CASQ1: variants seen among roughly 807,000 people sequenced by gnomAD.
CASQ1 encodes the protein calsequestrin 1.
A neutral mutation model predicts 49.5 loss-of-function variants in CASQ1; 40 were observed. The ratio of observed to expected loss-of-function variants is 0.81; its 90% CI spans 0.63 to 1.05. CASQ1 has a LOEUF of 1.05. CASQ1 is among the 50% of genes least tolerant of loss of function. The probability of loss-of-function intolerance (pLI) is 0.00; values close to 1 mark genes in which losing one functional copy is unlikely to be tolerated. For missense variants in CASQ1, 469 were observed against 486.9 expected (o/e 0.96, Z 0.35); for synonymous variants, 174 against 187.2 (o/e 0.93, Z 0.58).
intron 4 of CASQ1, among the ~76,000 whole-genome samples, 155 bp from the exon 5 acceptor site, chr1:160,195,306 C>G (rs978111710): frequency 6.6e-6 from 1 of 152,150 alleles, no homozygotes; most frequent in African/African-American, 2.4e-5. Context: ...CAGACAAGCA[C>G]CTCCAGTATT....
chr1:160,201,414 T>C lies in CASQ1; in HGVS notation c.*38T>C. 6.2e-7 allele frequency: 1 copy of C among 1,609,214 alleles called. No individual in the cohort carries two copies. On this transcript the variant is annotated 3_prime_UTR_variant, in exon 11 of 11. Coordinates refer to ENST00000368078, the MANE Select transcript of CASQ1 (RefSeq NM_001231.5). ...CCATCTTTCAGCCCCACTGGTCTTT[T>C]CATGCTCTCTCCTGCCTTCCCTTGT... is the stretch of plus-strand genomic sequence containing the variant.
chr1:160,200,070 T>A, intron 10 of CASQ1, 145 bp downstream of exon 10: 1 of 675,196 alleles, frequency 1.5e-6, no homozygotes, highest in Non-Finnish European at 2.7e-6. Context: ...AGGGGGAGAC[T>A]TAGGATCTGA....
chr1:160,199,874 G>A lies in CASQ1; in HGVS notation c.1008G>A (p.Thr336=), dbSNP rs139249867. 325 of 1,613,008 alleles carry A rather than the reference G, an allele frequency of 2.0e-4. 2 individuals carry two copies. The East Asian group carries it at 2.2e-3, about 11-fold the overall frequency. ...AGCTGGTCCCATACTGGGAGAAGAC[G>A]TTTGACATCGACTTGTCAGCCCCAC... ...FPLLVPYWEK[T]FDIDLSAPQI... The change falls in exon 10 of 11, where the codon ACG becomes ACA. Residue 336 remains threonine (T), a synonymous_variant. Coordinates refer to ENST00000368078, the MANE Select transcript of CASQ1 (RefSeq NM_001231.5).
chr1:160,193,018 G>T, intron 2 of CASQ1, 132 bp downstream of exon 2: 1 of 707,818 alleles, frequency 1.4e-6, no homozygotes. Flanking sequence ...TATTCTAAAA[G>T]AGGGGGTGAG....
At chr1:160,191,112 G>C (rs1654066172) in intron 1 of CASQ1, 82 bp downstream of exon 1, 2 of 1,469,228 alleles carry the variant, frequency 1.4e-6, no homozygotes, top group East Asian at 2.3e-5. Flanking sequence ...GTAGCTCTTT[G>C]AGGATGGGAT....
Position 160,192,820 on chromosome 1 carries a change from G to C in CASQ1, c.298G>C (p.Glu100Gln), listed in dbSNP as rs752573704. Residue 100 changes from glutamate (E) to glutamine (Q), a missense_variant, in exon 2 of 11, where the codon GAA becomes CAA. By Grantham distance (29) the Glu-to-Gln change is conservative. Coordinates refer to ENST00000368078, the MANE Select transcript of CASQ1 (RefSeq NM_001231.5). ...LILELAAQVL[E>Q]DKGVGFGLVD... Reference sequence around the variant, plus strand: ...CCTCCAGTTAGCAGCCCAAGTCCTAGAAGACAAGGGTGTTGGCTTCGGGCT... The same window carrying C: ...CCTCCAGTTAGCAGCCCAAGTCCTACAAGACAAGGGTGTTGGCTTCGGGCT... The C allele has an allele frequency of 3.7e-6, 6 of 1,613,978 alleles. No homozygotes were observed. Among genetic ancestry groups the C allele is most frequent in the Admixed American group, 1.7e-5 (1 of 60,006 alleles).
At position 160,201,461 on chromosome 1, in the gene CASQ1, G is replaced by T; in HGVS notation, c.*85G>T. 7 of 1,445,472 alleles carry T rather than the reference G, an allele frequency of 4.8e-6. No individual in the cohort carries two copies. The highest frequency in any genetic ancestry group is 6.7e-6 in the Non-Finnish European group (7 of 1,047,930). 89.5% of individuals were successfully genotyped at this position (1,445,472 alleles called of 1,614,324 possible). On this transcript the variant is annotated 3_prime_UTR_variant, in exon 11 of 11. Coordinates refer to ENST00000368078, the MANE Select transcript of CASQ1 (RefSeq NM_001231.5). The stretch of plus-strand genomic sequence containing the variant: ...TTGTCCTTCCCTGAGTTCCTCCAGG[G>T]AGACTAGGTTATTCTCTGCCATAGA...
At chr1:160,196,502 G>A (rs969777390) in intron 6 of CASQ1, among the ~76,000 whole-genome samples, 8 of 147,802 alleles carry the variant, frequency 5.4e-5, no homozygotes, top group East Asian at 2.0e-4. Context: ...TTCCGAGACC[G>A]AGTCTTACTC....
chr1:160,194,473 C>CCA (rs150513714), intron 3 of CASQ1, among the ~76,000 whole-genome samples: 142,872 of 148,790 alleles, frequency 0.96, 68,839 homozygotes, highest in Non-Finnish European at 1. Context: ...TCCATACACA[C>CCA]CACACACAAC....
rs549683795 is a variant in CASQ1 at position 160,190,674 on chromosome 1, T to A, written c.-78T>A. On this transcript the variant is annotated 5_prime_UTR_variant, in exon 1 of 11. Coordinates refer to ENST00000368078, the MANE Select transcript of CASQ1 (RefSeq NM_001231.5). ...TCCCACTTGAGCCCCTAACTCAGAA[T>A]CTGGGACCCAGGGGCCCCTCCCTAC... 11 of 1,397,996 alleles carry A rather than the reference T, an allele frequency of 7.9e-6. No homozygotes were observed. In the Admixed American group the frequency reaches 2.1e-4, roughly 26 times the overall value. The allele number at this position is 1,397,996 out of a possible 1,614,324, so 86.6% of individuals were successfully genotyped here.
At chr1:160,193,649 T>C in intron 2 of CASQ1, 98 bp from the exon 3 acceptor site, 1 of 732,830 alleles carries the variant, frequency 1.4e-6, no homozygotes, top group Admixed American at 2.7e-5. Flanking sequence ...CCCCGGTGAT[T>C]ATCAAACGGG....
At chr1:160,196,156 G>T in intron 6 of CASQ1, 129 bp downstream of exon 6, 1 of 810,484 alleles carries the variant, frequency 1.2e-6, no homozygotes, top group Non-Finnish European at 1.9e-6. Context: ...ATACACTTTG[G>T]GCACCAGTGC....
intron 4 of CASQ1, among the ~76,000 whole-genome samples, 160 bp downstream of exon 4, chr1:160,195,283 C>T (rs991419099): frequency 6.6e-6 from 1 of 152,274 alleles, no homozygotes; most frequent in Admixed American, 6.5e-5. Context: ...CCTCCCTGTA[C>T]TCTGGGGGTT....
At position 160,195,106 on chromosome 1, in the gene CASQ1, A is replaced by G. The variant is rs1654187433; in HGVS notation, c.560A>G (p.Lys187Arg). 1 of 1,609,942 alleles carries G rather than the reference A, an allele frequency of 6.2e-7. No individual in the cohort carries two copies. Among genetic ancestry groups the G allele is most frequent in the South Asian group, 1.1e-5 (1 of 90,784 alleles). Residue 187 changes from lysine to arginine, a missense_variant, in exon 4 of 11, where the codon AAG becomes AGG. By Grantham distance (26) the Lys-to-Arg change is conservative (BLOSUM62 2). Transcript: ENST00000368078. ...GAGATCAAACTCATTGGCTACTTCA[A>G]GAGCAAAGACTCAGAGCGTGGGTAA... The part of the protein sequence containing the change: ...EDEIKLIGYF[K>R]SKDSEHYKAF...
intron 1 of CASQ1, among the ~76,000 whole-genome samples, chr1:160,192,395 A>G (rs921425475): frequency 2.0e-5 from 3 of 149,766 alleles, no homozygotes; most frequent in African/African-American, 7.4e-5. Flanking sequence ...TCCAAGATCA[A>G]CCCCACACTG....
At chr1:160,200,004 T>A in intron 10 of CASQ1, 79 bp downstream of exon 10, 1 of 969,858 alleles carries the variant, frequency 1.0e-6, no homozygotes, top group South Asian at 1.3e-5. Context: ...CTCTGCTAAC[T>A]AGGAGTTGGG....
chr1:160,193,702 G>A (rs1380428823), intron 2 of CASQ1, 45 bp from the exon 3 acceptor site: 2 of 1,113,958 alleles, frequency 1.8e-6, no homozygotes, highest in Admixed American at 4.0e-5. Flanking sequence ...GGAAGCCTGG[G>A]ATCATGGCTC....
chr1:160,194,292 G>A (rs62648282), intron 3 of CASQ1, among the ~76,000 whole-genome samples: 20,110 of 131,154 alleles, frequency 0.15, 1,406 homozygotes, highest in South Asian at 0.33. Flanking sequence ...TCCATGCCAC[G>A]CAAATGCACA....
At chr1:160,192,758 T>C (rs1654106377) in intron 1 of CASQ1, 44 bp from the exon 2 acceptor site, 5 of 1,568,652 alleles carry the variant, frequency 3.2e-6, no homozygotes, top group Non-Finnish European at 4.4e-6. Context: ...TAGGGGATAA[T>C]AAAAATTCCA....
Sources: gnomAD v4.1 joint callset for allele counts (sites outside exome capture counted in the v4.1 genomes callset) on GRCh38, gnomAD v4.1.1 for gene constraint, MANE v1.5 for transcripts, NCBI Gene and HGNC (gene_info 2026-07-23, HGNC 2026-07-21) for gene names.